Variants in RAD51 observed in about 807,000 individuals in gnomAD.
The protein encoded by RAD51 is DNA repair protein RAD51 homolog 1.
RAD51 carries 14 observed loss-of-function variants against 41.5 expected under a neutral mutation model. The observed-to-expected ratio is 0.34, with a 90% CI of 0.22 to 0.53. The LOEUF (loss-of-function observed/expected upper bound fraction) is 0.53. RAD51 is among the 20% of genes least tolerant of loss of function. The pLI is 0.95. For missense variants in RAD51, 234 were observed against 422.0 expected (o/e 0.55, Z 3.90); for synonymous variants, 136 against 148.6 (o/e 0.92, Z 0.62).
intron 2 of RAD51, among the ~76,000 whole-genome samples, chr15:40,699,129 T>C (rs1188742722): frequency 6.6e-6 from 1 of 152,198 alleles, no homozygotes; most frequent in Non-Finnish European, 1.5e-5. Flanking sequence ...GTGGAATCTC[T>C]GTGCTGTTTT....
At chr15:40,725,813 C>T (rs1413668390) in intron 6 of RAD51, among the ~76,000 whole-genome samples, 1 of 151,982 alleles carries the variant, frequency 6.6e-6, no homozygotes, top group Non-Finnish European at 1.5e-5. Flanking sequence ...ATGGTGAAAC[C>T]CTGCTCTACT....
rs1454211108 is a variant in RAD51 at position 40,706,303 on chromosome 15, A to C, written c.343+9A>C. The C allele has an allele frequency of 1.9e-6, 3 of 1,574,748 alleles. No individual in the cohort carries two copies. Among genetic ancestry groups the C allele is most frequent in the Admixed American group, 1.7e-5 (1 of 59,964 alleles). The stretch of plus-strand genomic sequence containing the variant: ...TGACAAACTACTTCAAGGTGTAGTA[A>C]TCCTTTATCCTGTGTTGTGAACTCT... On this transcript the variant is annotated intron_variant, in intron 4 of 9. Coordinates refer to ENST00000267868, the MANE Select transcript of RAD51 (RefSeq NM_002875.5).
At chr15:40,720,280 C>A (rs1896205955) in intron 6 of RAD51, among the ~76,000 whole-genome samples, 1 of 152,004 alleles carries the variant, frequency 6.6e-6, no homozygotes, top group South Asian at 2.1e-4. Flanking sequence ...GACAGGGTTT[C>A]TCCATGTTGG....
chr15:40,722,018 C>G (rs1896298066), intron 6 of RAD51, among the ~76,000 whole-genome samples: 1 of 152,122 alleles, frequency 6.6e-6, no homozygotes, highest in Middle Eastern at 3.4e-3. Flanking sequence ...TTTCTTAGAC[C>G]TAGTCCTGCA....
Position 40,709,107 on chromosome 15 carries a change from C to A in RAD51, c.426C>A (p.Val142=), listed in dbSNP as rs749908612. 5 of 1,613,068 alleles carry A rather than the reference C, an allele frequency of 3.1e-6. No individual in the cohort carries two copies. In the Admixed American group the frequency reaches 8.3e-5, roughly 27 times the overall value. ...CCCAGATCTGTCATACGCTAGCTGT[C>A]ACCTGCCAGGTGAGCTGTTGGGGCT... The part of the protein sequence containing the change: ...GKTQICHTLA[V]TCQLPIDRGG... Residue 142 remains valine, a synonymous_variant, in exon 5 of 10, where the codon GTC becomes GTA. Coordinates refer to ENST00000267868, the MANE Select transcript of RAD51 (RefSeq NM_002875.5).
At chr15:40,701,287 T>G in intron 3 of RAD51, 86 bp downstream of exon 3, 7 of 1,454,414 alleles carry the variant, frequency 4.8e-6, no homozygotes, top group Non-Finnish European at 6.8e-6. Flanking sequence ...CTTCTATCTC[T>G]TATTCTTCGG....
intron 5 of RAD51, among the ~76,000 whole-genome samples, chr15:40,710,486 A>T (rs1461497601): frequency 7.2e-6 from 1 of 138,596 alleles, no homozygotes; most frequent in African/African-American, 2.8e-5. Context: ...TGGTCAAAGA[A>T]GCGAGACTCT....
chr15:40,699,482 A>G (rs1894851203), intron 2 of RAD51, among the ~76,000 whole-genome samples: 1 of 152,140 alleles, frequency 6.6e-6, no homozygotes, highest in African/African-American at 2.4e-5. Flanking sequence ...AATGGGTCTT[A>G]ACTGTGTTGA....
At chr15:40,728,190 G>A (rs921523753) in intron 6 of RAD51, among the ~76,000 whole-genome samples, 2 of 152,156 alleles carry the variant, frequency 1.3e-5, no homozygotes, top group African/African-American at 2.4e-5. Context: ...TAGGTCAGGC[G>A]TGGTGGCTCA....
chr15:40,731,091 C>A lies in RAD51; in HGVS notation c.933C>A (p.Ile311=), dbSNP rs758733351. ...GGAAAGGAAGAGGGGAAACCAGAAT[C>A]TGCAAAATCTACGACTCTCCCTGTC... The part of the protein sequence containing the change: ...YLRKGRGETR[I]CKIYDSPCLP... The change falls in exon 10 of 10, where the codon ATC becomes ATA. Residue 311 remains isoleucine, a synonymous_variant. Transcript: ENST00000267868. 6 of 1,613,996 alleles carry A rather than the reference C, an allele frequency of 3.7e-6. No individual in the cohort carries two copies. The highest frequency in any genetic ancestry group is 4.2e-6 in the Non-Finnish European group (5 of 1,180,018).
chr15:40,722,237 C>A (rs544835875), intron 6 of RAD51, among the ~76,000 whole-genome samples: 5 of 151,986 alleles, frequency 3.3e-5, no homozygotes, highest in African/African-American at 1.2e-4. Flanking sequence ...CATGGTGAAT[C>A]CCCGTCACTA....
rs1407380775 is a variant in RAD51 at position 40,728,747 on chromosome 15, A to G, written c.567A>G (p.Val189=). 3.1e-6 allele frequency: 5 copies of G among 1,614,100 alleles called. No homozygotes were observed. Among genetic ancestry groups the G allele is most frequent in the East Asian group, 2.2e-5 (1 of 44,872 alleles). ...CTGGCAGTGATGTCCTGGATAATGT[A>G]GCATATGCTCGAGCGTTCAACACAG... ...GLSGSDVLDN[V]AYARAFNTDH... is the part of the protein sequence containing the mutation. The change falls in exon 7 of 10, where the codon GTA becomes GTG. Residue 189 remains valine (V), a synonymous_variant. Transcript: ENST00000267868.
intron 2 of RAD51, among the ~76,000 whole-genome samples, chr15:40,699,624 T>A (rs1324804382): frequency 6.6e-6 from 1 of 152,212 alleles, no homozygotes; most frequent in Non-Finnish European, 1.5e-5. Context: ...ATGAAAGTGC[T>A]GTTCTGGGAA....
chr15:40,721,063 G>A lies in RAD51; in HGVS notation c.530+2164G>A, dbSNP rs189489126. ...CAGGCATGGTGGCACACTGCCTGTA[G>A]TCTGAGCTACTTGGGAGGGTAAGGA... On this transcript the variant is annotated intron_variant, in intron 6 of 9. Coordinates refer to ENST00000267868, the MANE Select transcript of RAD51 (RefSeq NM_002875.5). 1.9e-3 allele frequency among the ~76,000 whole-genome samples: 293 copies of A among 152,272 alleles called. 1 individual carries two copies. The highest frequency in any genetic ancestry group is 6.7e-3 in the African/African-American group (277 of 41,560).
At chr15:40,730,947 C>G in intron 9 of RAD51, 108 bp from the exon 10 acceptor site, 1 of 1,420,656 alleles carries the variant, frequency 7.0e-7, no homozygotes, top group Non-Finnish European at 9.8e-7. Flanking sequence ...TCCCAGGGTC[C>G]TTCTAGGAAG....
intron 6 of RAD51, among the ~76,000 whole-genome samples, chr15:40,722,897 A>G (rs139925410): frequency 1.3e-5 from 2 of 152,308 alleles, no homozygotes; most frequent in African/African-American, 4.8e-5. Context: ...TTCAAAGGAC[A>G]CTATGAAGCA....
At chr15:40,696,291 C>T (rs1055573462) in intron 1 of RAD51, among the ~76,000 whole-genome samples, 2 of 152,120 alleles carry the variant, frequency 1.3e-5, no homozygotes, top group Non-Finnish European at 2.9e-5. Flanking sequence ...ACAAAATATA[C>T]TGGCCGGGCG....
intron 6 of RAD51, among the ~76,000 whole-genome samples, chr15:40,725,584 C>T (rs961271626): frequency 6.6e-6 from 1 of 152,176 alleles, no homozygotes; most frequent in Non-Finnish European, 1.5e-5. Flanking sequence ...GTCCCCAGAA[C>T]AGCAGCATTA....
rs1895329658 is a variant in RAD51, at chr15:40,706,238, G to A, written c.287G>A (p.Arg96Gln). ...ACTGCAACTGAATTCCACCAAAGGCGGTCAGAGATCATACAGATTACTACT... is the reference window on the plus strand; with the variant it reads ...ACTGCAACTGAATTCCACCAAAGGCAGTCAGAGATCATACAGATTACTACT... ...FTTATEFHQR[R>Q]SEIIQITTGS... Residue 96 changes from arginine to glutamine, a missense_variant, in exon 4 of 10, where the codon CGG (arginine) becomes CAG (glutamine). By Grantham distance (43) the Arg-to-Gln change is conservative (BLOSUM62 1). Transcript: ENST00000267868. The A allele has an allele frequency of 1.9e-6, 3 of 1,614,088 alleles. No individual in the cohort carries two copies. The highest frequency in any genetic ancestry group is 2.5e-6 in the Non-Finnish European group (3 of 1,180,018).
Sources: allele counts gnomAD v4.1 joint callset (sites outside exome capture counted in the v4.1 genomes callset), GRCh38; gene constraint gnomAD v4.1.1; transcripts MANE v1.5; gene names NCBI Gene and HGNC (gene_info 2026-07-23, HGNC 2026-07-21).